Variants in TRDN observed in about 807,000 individuals in gnomAD.
TRDN encodes triadin in skeletal muscle.
A neutral mutation model predicts 149.7 loss-of-function variants in TRDN; 161 were observed. The ratio of observed to expected loss-of-function variants is 1.08; its 90% confidence interval spans 0.95 to 1.23. TRDN has a LOEUF of 1.23. TRDN is among the 50% of genes most tolerant of loss of function. The probability of loss-of-function intolerance (pLI) is 0.00; values close to 1 mark genes in which losing one functional copy is unlikely to be tolerated. For synonymous variants in TRDN, 294 were observed against 250.5 expected, an observed-to-expected ratio of 1.17 and a Z score of -1.64; for missense variants, 896 against 823.5, an observed-to-expected ratio of 1.09 and a Z score of -1.08.
chr6:123,322,235 C>T (rs1234759926), intron 23 of TRDN, among the ~76,000 whole-genome samples: 2 of 152,168 alleles, frequency 1.3e-5, no homozygotes, highest in East Asian at 3.9e-4. Context: ...GATAGTTCAA[C>T]TTCATTCATG....
chr6:123,595,821 G>A (rs1784010253), intron 1 of TRDN, among the ~76,000 whole-genome samples: 1 of 152,204 alleles, frequency 6.6e-6, no homozygotes, highest in South Asian at 2.1e-4. Flanking sequence ...ATTGATAAAT[G>A]TTGTGTGTGT....
intron 1 of TRDN, among the ~76,000 whole-genome samples, chr6:123,594,447 T>A (rs1408299757): frequency 6.6e-6 from 1 of 152,016 alleles, no homozygotes; most frequent in Non-Finnish European, 1.5e-5. Context: ...CTACTATAGG[T>A]TGTAGCTTTT....
chr6:123,489,204 T>C (rs747873433), intron 9 of TRDN, among the ~76,000 whole-genome samples: 1 of 152,114 alleles, frequency 6.6e-6, no homozygotes, highest in Non-Finnish European at 1.5e-5. Context: ...TTGCAATAAA[T>C]ATTCATAATA....
chr6:123,565,414 T>A (rs143057080), intron 2 of TRDN, among the ~76,000 whole-genome samples: 12 of 152,306 alleles, frequency 7.9e-5, no homozygotes, highest in African/African-American at 2.9e-4. Context: ...TTGTGTCTGA[T>A]GTCCTGAGGT....
At chr6:123,636,647 A>T in intron 1 of TRDN, 107 bp downstream of exon 1, 1 of 1,329,240 alleles carries the variant, frequency 7.5e-7, no homozygotes, top group Non-Finnish European at 1.1e-6. Context: ...TGACCAAGGC[A>T]ATTACCTTAA....
At chr6:123,439,148 T>C (rs1774741773) in intron 10 of TRDN, 145 bp from the exon 11 acceptor site, 1 of 613,026 alleles carries the variant, frequency 1.6e-6, no homozygotes, top group Non-Finnish European at 2.8e-6. Flanking sequence ...CTAAGTCTTA[T>C]TTTCCTCATT....
chr6:123,562,072 C>G (rs539623336), intron 2 of TRDN, among the ~76,000 whole-genome samples: 1 of 152,154 alleles, frequency 6.6e-6, no homozygotes, highest in Non-Finnish European at 1.5e-5. Flanking sequence ...CCTGCCTTAA[C>G]TGATGACATT....
chr6:123,571,262 C>T (rs1294470687), intron 1 of TRDN, 130 bp from the exon 2 acceptor site: 6 of 903,960 alleles, frequency 6.6e-6, no homozygotes, highest in South Asian at 3.5e-5. Context: ...TCCTTAGTGG[C>T]AGGACAAAGC....
intron 33 of TRDN, among the ~76,000 whole-genome samples, chr6:123,264,216 G>A (rs1314944794): frequency 1.3e-5 from 2 of 152,028 alleles, no homozygotes; most frequent in Non-Finnish European, 2.9e-5. Context: ...CTTCTGGAAT[G>A]GAATCACCTC....
chr6:123,402,904 G>A (rs1286576898), intron 12 of TRDN, among the ~76,000 whole-genome samples: 1 of 152,198 alleles, frequency 6.6e-6, no homozygotes, highest in African/African-American at 2.4e-5. Context: ...TTGATAAACA[G>A]AATAGGTTTT....
chr6:123,367,639 A>C (rs1781160857), intron 19 of TRDN, among the ~76,000 whole-genome samples: 1 of 152,222 alleles, frequency 6.6e-6, no homozygotes, highest in Non-Finnish European at 1.5e-5. Flanking sequence ...CTTCCAGGTA[A>C]AGACTTTAGA....
intron 10 of TRDN, 28 bp downstream of exon 10, chr6:123,464,878 G>A (rs1445467067): frequency 6.4e-7 from 1 of 1,555,754 alleles, no homozygotes; most frequent in Non-Finnish European, 8.7e-7. Context: ...CTACAATAGA[G>A]ATCTTTAAGA....
chr6:123,384,085 CAT>C (rs1199828200), intron 14 of TRDN, among the ~76,000 whole-genome samples: 2 of 152,132 alleles, frequency 1.3e-5, no homozygotes, highest in Non-Finnish European at 2.9e-5. Context: ...CTATCTGAAA[CAT>C]ATGTGCTTTG....
At chr6:123,290,606 G>A (rs1311063454) in intron 24 of TRDN, among the ~76,000 whole-genome samples, 1 of 152,084 alleles carries the variant, frequency 6.6e-6, no homozygotes, top group Non-Finnish European at 1.5e-5. Flanking sequence ...GAACGGAATC[G>A]ATGCTTAAAT....
chr6:123,419,465 C>G (rs1463653920), intron 12 of TRDN, among the ~76,000 whole-genome samples: 1 of 152,108 alleles, frequency 6.6e-6, no homozygotes, highest in Non-Finnish European at 1.5e-5. Flanking sequence ...CCTCTATTTC[C>G]TGGGTTCAAA....
chr6:123,461,467 T>G (rs796872454), intron 10 of TRDN, among the ~76,000 whole-genome samples: 21 of 152,348 alleles, frequency 1.4e-4, no homozygotes, highest in African/African-American at 5.0e-4. Flanking sequence ...TAAGTATAAC[T>G]TAACTTCTTC....
At chr6:123,289,237 A>G (rs1194881345) in intron 24 of TRDN, among the ~76,000 whole-genome samples, 1 of 151,462 alleles carries the variant, frequency 6.6e-6, no homozygotes, top group Non-Finnish European at 1.5e-5. Context: ...TTGCAACATC[A>G]GTGGATACTG....
chr6:123,249,209 T>C (rs1310276775), intron 38 of TRDN, among the ~76,000 whole-genome samples: 9 of 151,986 alleles, frequency 5.9e-5, no homozygotes, highest in African/African-American at 2.2e-4. Context: ...TTACTAATTA[T>C]GACAGAAATT....
chr6:123,416,380 T>A (rs1773650029), intron 12 of TRDN, among the ~76,000 whole-genome samples: 1 of 152,066 alleles, frequency 6.6e-6, no homozygotes, highest in Non-Finnish European at 1.5e-5. Flanking sequence ...CCCTGATCAT[T>A]GGGGTTTTTG....
Sources: gnomAD v4.1 joint callset for allele counts (sites outside exome capture counted in the v4.1 genomes callset) on GRCh38, gnomAD v4.1.1 for gene constraint, MANE v1.5 for transcripts, NCBI Gene and HGNC (gene_info 2026-07-23, HGNC 2026-07-21) for gene names.